Variants in SFSWAP observed in about 807,000 individuals in gnomAD.
SFSWAP encodes splicing factor SWAP, also known as splicing factor, suppressor of white-apricot homolog.
A neutral mutation model predicts 100.7 loss-of-function variants in SFSWAP; 17 were observed. The observed-to-expected ratio is 0.17, with a 90% CI of 0.12 to 0.25. The LOEUF (loss-of-function observed/expected upper bound fraction) is 0.25. Ranked by LOEUF, SFSWAP falls within the 10% of genes least tolerant of loss-of-function variation. The probability of loss-of-function intolerance (pLI) is 1.00; values close to 1 mark genes in which losing one functional copy is unlikely to be tolerated. For synonymous variants in SFSWAP, 504 were observed against 510.1 expected (o/e 0.99, Z 0.16); for missense variants, 1,005 against 1,262.6 (o/e 0.80, Z 3.09).
At chr12:131,752,454 G>C (rs184046700) in intron 7 of SFSWAP, among the ~76,000 whole-genome samples, 14 of 152,334 alleles carry the variant, frequency 9.2e-5, no homozygotes, top group Non-Finnish European at 1.9e-4. Flanking sequence ...ATACCTGCTT[G>C]TGTGCACAGC....
At chr12:131,774,355 A>G (rs750320205) in intron 13 of SFSWAP, among the ~76,000 whole-genome samples, 15 of 152,352 alleles carry the variant, frequency 9.8e-5, no homozygotes, top group Non-Finnish European at 2.1e-4. Context: ...AGTAGGAAAT[A>G]ATCGTTGCTG....
At chr12:131,770,540 C>T (rs934197012) in intron 13 of SFSWAP, among the ~76,000 whole-genome samples, 2 of 152,186 alleles carry the variant, frequency 1.3e-5, no homozygotes, top group Admixed American at 6.5e-5. Flanking sequence ...TTCTATAAAA[C>T]TGATGTATAC....
In SFSWAP at chr12:131,711,224, G is replaced by C. The variant is rs372985767; in HGVS notation, c.-6G>C. On this transcript the variant is annotated 5_prime_UTR_variant, in exon 1 of 18. Coordinates refer to ENST00000261674, the MANE Select transcript of SFSWAP (RefSeq NM_004592.4). This position sits in a 1 kb window ranked among gnomAD's most constrained non-coding sequence, Gnocchi z 4.9. ...GAGGACCAGCCTGGACGCCGGGGAC[G>C]CTGTCATGTACGGCGCGAGCGGGGG... 6.3e-7 allele frequency: 1 copy of C among 1,590,380 alleles called. No individual in the cohort carries two copies. Among genetic ancestry groups the C allele is most frequent in the African/African-American group, 1.3e-5 (1 of 74,436 alleles).
At chr12:131,741,745 A>G (rs1257293479) in intron 7 of SFSWAP, among the ~76,000 whole-genome samples, 2 of 151,498 alleles carry the variant, frequency 1.3e-5, no homozygotes, top group African/African-American at 2.4e-5. Flanking sequence ...CCTCTGTTGC[A>G]TTTGGTTATG....
chr12:131,786,613 G>A, intron 15 of SFSWAP, 25 bp downstream of exon 15: 1 of 1,576,412 alleles, frequency 6.3e-7, no homozygotes, highest in Non-Finnish European at 8.6e-7. Flanking sequence ...GTGCACGCAG[G>A]TGCTGGATGT....
intron 8 of SFSWAP, chr12:131,753,608 C>G (rs1733531227): frequency 5.5e-6 from 3 of 542,264 alleles, no homozygotes; most frequent in Non-Finnish European, 9.7e-6. Context: ...ACGTCGCACG[C>G]TGGCCCCAGA....
At chr12:131,746,467 A>AGC (rs1881111332) in intron 7 of SFSWAP, among the ~76,000 whole-genome samples, 1 of 152,172 alleles carries the variant, frequency 6.6e-6, no homozygotes, top group South Asian at 2.1e-4. Flanking sequence ...TGAAATTGAC[A>AGC]GCTGGGTTTC....
intron 13 of SFSWAP, among the ~76,000 whole-genome samples, chr12:131,776,518 G>A (rs1375796364): frequency 1.3e-5 from 2 of 152,264 alleles, no homozygotes; most frequent in Non-Finnish European, 2.9e-5. Context: ...AAAGCAAGAA[G>A]CATAACTGTA....
In SFSWAP at chr12:131,799,522, C is replaced by T. The variant is rs149141716; in HGVS notation, c.*34C>T. On this transcript the variant is annotated 3_prime_UTR_variant, in exon 18 of 18. Coordinates refer to ENST00000261674, the MANE Select transcript of SFSWAP (RefSeq NM_004592.4). ...CAGCGGAGGCAGAGCCGGGAGGCTGCGTGGGCTTCTGGGCAGGCTCACGCA... is the reference window on the plus strand; with the variant it reads ...CAGCGGAGGCAGAGCCGGGAGGCTGTGTGGGCTTCTGGGCAGGCTCACGCA... The T allele has an allele frequency of 5.0e-6, 8 of 1,602,072 alleles. No homozygotes were observed. Among genetic ancestry groups the T allele is most frequent in the South Asian group, 1.1e-5 (1 of 90,296 alleles).
chr12:131,724,023 TAA>T (rs1878725445), intron 4 of SFSWAP, among the ~76,000 whole-genome samples: 1 of 152,376 alleles, frequency 6.6e-6, no homozygotes, highest in East Asian at 1.9e-4. Flanking sequence ...AAAGTCTGCC[TAA>T]TAAAGTAAAG....
Position 131,754,456 on chromosome 12 carries a change from G to A in SFSWAP, c.1411G>A (p.Gly471Ser), listed in dbSNP as rs776310309. Reference protein sequence around the residue: ...DKLAEYVARNGLKFETSVRAK... With the variant: ...DKLAEYVARNSLKFETSVRAK... ...GCTGGCCGAGTATGTCGCCAGGAAC[G>A]GCCTGAAGTTCGAGACCAGTGTTCG... Residue 471 changes from glycine to serine, a missense_variant, in exon 9 of 18, where the codon GGC (glycine) becomes AGC (serine). Transcript: ENST00000261674. The A allele has an allele frequency of 2.0e-5, 32 of 1,602,108 alleles. No homozygotes were observed. The highest frequency in any genetic ancestry group is 6.7e-5 in the African/African-American group (5 of 74,084).
chr12:131,778,017 A>G lies in SFSWAP; in HGVS notation c.2143-48A>G. ...TGAAATTTTATAGATATACATCTTC[A>G]ATGTTCTGTTTTCCCTGTTAACACC... is the stretch of plus-strand genomic sequence containing the variant. On this transcript the variant is annotated intron_variant, in intron 13 of 17. Transcript: ENST00000261674. The surrounding 1 kb of genome is among the most constrained non-coding windows in gnomAD (Gnocchi z 4.2). 1 of 1,573,580 alleles carries G rather than the reference A, an allele frequency of 6.4e-7. No individual in the cohort carries two copies. The highest frequency in any genetic ancestry group is 1.4e-5 in the African/African-American group (1 of 72,490).
intron 7 of SFSWAP, among the ~76,000 whole-genome samples, chr12:131,752,599 G>A (rs1881759023): frequency 6.6e-6 from 1 of 152,222 alleles, no homozygotes; most frequent in South Asian, 2.1e-4. Context: ...CTGACGCCAG[G>A]GTTGCCAGGA....
chr12:131,783,792 T>TATATATATATATATATATATATATATATA (rs1884672091), intron 14 of SFSWAP: 2 of 86,682 alleles, frequency 2.3e-5, no homozygotes, highest in Admixed American at 1.5e-4. Flanking sequence ...AAAAAACATT[T>TATATATATATATATATATATATATATATA]TATATATATA....
intron 7 of SFSWAP, among the ~76,000 whole-genome samples, chr12:131,752,524 G>A (rs548843300): frequency 6.6e-6 from 1 of 152,358 alleles, no homozygotes; most frequent in South Asian, 2.1e-4. Flanking sequence ...CACAGCCTCA[G>A]TGCCCCTGGG....
chr12:131,733,299 C>G lies in SFSWAP; in HGVS notation c.1081+4871C>G, dbSNP rs970803161. On this transcript the variant is annotated intron_variant, in intron 7 of 17. Transcript: ENST00000261674. The surrounding 1 kb of genome is among the most constrained non-coding windows in gnomAD (Gnocchi z 5.1). ...GTGTCTCTGCCATCTCCTCCTCCTC[C>G]CATTCCTGACCTGTTGAGCCAGGGG... Among the ~76,000 whole-genome samples, 6 of 152,202 alleles carry G rather than the reference C, an allele frequency of 3.9e-5. No individual in the cohort carries two copies. Among genetic ancestry groups the G allele is most frequent in the African/African-American group, 1.4e-4 (6 of 41,454 alleles).
Position 131,794,361 on chromosome 12 carries a change from C to A in SFSWAP, c.2535-2817C>A, listed in dbSNP as rs1388356935. On this transcript the variant is annotated intron_variant, in intron 15 of 17. Coordinates refer to ENST00000261674, the MANE Select transcript of SFSWAP (RefSeq NM_004592.4). This position sits in a 1 kb window ranked among gnomAD's most constrained non-coding sequence, Gnocchi z 4.8. Reference sequence around the variant, plus strand: ...GCTTTTTTTTTTTTTGGTAGAGACCCCCATCTCTACTTAAAAAAAAAAAAA... The same window carrying A: ...GCTTTTTTTTTTTTTGGTAGAGACCACCATCTCTACTTAAAAAAAAAAAAA... Among the ~76,000 whole-genome samples the A allele has an allele frequency of 1.3e-5, 2 of 150,686 alleles. No individual in the cohort carries two copies. The highest frequency in any genetic ancestry group is 2.4e-5 in the African/African-American group (1 of 40,946).
In SFSWAP at chr12:131,725,457, G is replaced by T. The variant is rs778659105; in HGVS notation, c.659G>T (p.Cys220Phe). The change falls in exon 5 of 18, where the codon TGC (cysteine) becomes TTC (phenylalanine). Residue 220 changes from cysteine to phenylalanine, a missense_variant. Physicochemically the swap from Cys to Phe is radical, Grantham distance 205. Transcript: ENST00000261674. This position sits in a 1 kb window ranked among gnomAD's most constrained non-coding sequence, Gnocchi z 4.3. ...ATCGAGCGCACGGCCAGCTTCGTGT[G>T]CAGGCAGGGAGCACAGTTTGAGATC... ...AIIERTASFV[C>F]RQGAQFEIML... is the part of the protein sequence containing the mutation. The T allele has an allele frequency of 5.0e-6, 8 of 1,614,156 alleles. No individual in the cohort carries two copies. Among genetic ancestry groups the T allele is most frequent in the Non-Finnish European group, 6.8e-6 (8 of 1,180,032 alleles).
chr12:131,718,006 C>G (rs1434339166), intron 3 of SFSWAP, among the ~76,000 whole-genome samples: 3 of 152,236 alleles, frequency 2.0e-5, no homozygotes, highest in African/African-American at 7.2e-5. Flanking sequence ...GCTGGGATTC[C>G]AGGCGTGAGC....
Sources: gnomAD v4.1 joint callset for allele counts (sites outside exome capture counted in the v4.1 genomes callset) on GRCh38, gnomAD v4.1.1 for gene constraint, Gnocchi (gnomAD v3.1) non-coding constraint, MANE v1.5 for transcripts, NCBI Gene and HGNC (gene_info 2026-07-23, HGNC 2026-07-21) for gene names.